The following SBF2 variants were observed in gnomAD, a reference collection of about 807,000 sequenced individuals.
SBF2 encodes myotubularin-related protein 13.
SBF2 carries 112 observed loss-of-function variants against 225.2 expected under a neutral mutation model. The observed-to-expected ratio is 0.50, with a 90% CI of 0.43 to 0.58. The LOEUF is 0.58. SBF2 is among the 20% of genes least tolerant of loss of function. The probability of loss-of-function intolerance (pLI) is 0.00; values close to 1 mark genes in which losing one functional copy is unlikely to be tolerated. For missense variants in SBF2, 1,996 were observed against 2,206.2 expected, an observed-to-expected ratio of 0.90 and a Z score of 1.91; for synonymous variants, 763 against 773.3, an observed-to-expected ratio of 0.99 and a Z score of 0.22.
At chr11:9,949,711 C>T (rs553243000) in intron 16 of SBF2, among the ~76,000 whole-genome samples, 48 of 151,792 alleles carry the variant, frequency 3.2e-4, no homozygotes, top group African/African-American at 1.1e-3. Flanking sequence ...GAAAAAGGGG[C>T]TTTTTTTTCC....
chr11:10,060,692 T>G (rs561883617), intron 2 of SBF2, among the ~76,000 whole-genome samples: 1 of 152,074 alleles, frequency 6.6e-6, no homozygotes, highest in Non-Finnish European at 1.5e-5. Flanking sequence ...CATGACCAAG[T>G]AGGCTTCATC....
chr11:9,880,581 G>T (rs1859678822), intron 17 of SBF2, among the ~76,000 whole-genome samples: 1 of 152,074 alleles, frequency 6.6e-6, no homozygotes, highest in African/African-American at 2.4e-5. Context: ...TATTATACTA[G>T]CCTACTAAGT....
intron 1 of SBF2, among the ~76,000 whole-genome samples, chr11:10,250,640 G>T (rs1960249723): frequency 6.6e-6 from 1 of 152,118 alleles, no homozygotes; most frequent in Non-Finnish European, 1.5e-5. Flanking sequence ...CATGTTTTAT[G>T]TTATAATAGT....
intron 2 of SBF2, among the ~76,000 whole-genome samples, chr11:10,117,611 C>T (rs1210529835): frequency 6.6e-6 from 1 of 152,012 alleles, no homozygotes; most frequent in Middle Eastern, 3.2e-3. Context: ...AGTTTATGAA[C>T]TTTCAAGTGT....
intron 6 of SBF2, among the ~76,000 whole-genome samples, chr11:10,023,203 T>C (rs1006979514): frequency 2.0e-5 from 3 of 152,172 alleles, no homozygotes; most frequent in African/African-American, 4.8e-5. Context: ...CTGAGGTAGG[T>C]GACAATCCCT....
chr11:10,230,713 A>T (rs1364878225), intron 1 of SBF2, among the ~76,000 whole-genome samples: 1 of 152,126 alleles, frequency 6.6e-6, no homozygotes, highest in African/African-American at 2.4e-5. Context: ...TTTGTGGGTA[A>T]CCCGACCTTT....
chr11:9,920,872 T>C (rs1310801057), intron 16 of SBF2, among the ~76,000 whole-genome samples: 1 of 152,086 alleles, frequency 6.6e-6, no homozygotes, highest in Non-Finnish European at 1.5e-5. Flanking sequence ...GCCCTGGTGT[T>C]CTGTCAGGGT....
intron 1 of SBF2, among the ~76,000 whole-genome samples, chr11:10,199,139 A>G (rs949906881): frequency 1.9e-4 from 29 of 152,226 alleles, no homozygotes; most frequent in African/African-American, 5.1e-4. Context: ...CTTTCACTTG[A>G]CCACTTAAAG....
intron 7 of SBF2, among the ~76,000 whole-genome samples, chr11:10,001,318 T>C (rs941735131): frequency 6.6e-6 from 1 of 152,120 alleles, no homozygotes; most frequent in Non-Finnish European, 1.5e-5. Flanking sequence ...CATTTTTCCT[T>C]ACATAGAAAC....
chr11:9,901,493 C>T (rs912015859), intron 16 of SBF2, among the ~76,000 whole-genome samples: 13 of 152,160 alleles, frequency 8.5e-5, no homozygotes, highest in Admixed American at 1.3e-4. Flanking sequence ...CGCCCCATTA[C>T]GCCCTCTCCC....
intron 1 of SBF2, among the ~76,000 whole-genome samples, chr11:10,194,655 C>T (rs1167168198): frequency 3.3e-5 from 5 of 152,100 alleles, no homozygotes; most frequent in African/African-American, 1.2e-4. Context: ...GGATTACAGG[C>T]ACCCACCACC....
intron 1 of SBF2, among the ~76,000 whole-genome samples, chr11:10,255,925 C>A (rs910450569): frequency 6.6e-6 from 1 of 152,182 alleles, no homozygotes; most frequent in Non-Finnish European, 1.5e-5. Context: ...TGGTCAACAG[C>A]GCCACAAGCA....
chr11:9,800,429 T>C (rs973023742), intron 32 of SBF2, among the ~76,000 whole-genome samples: 30 of 151,920 alleles, frequency 2.0e-4, no homozygotes, highest in South Asian at 8.3e-4. Context: ...TTTTTTGAGA[T>C]GGAGTCTCGC....
intron 32 of SBF2, among the ~76,000 whole-genome samples, chr11:9,799,583 T>C (rs1171848296): frequency 1.3e-5 from 2 of 152,214 alleles, no homozygotes; most frequent in East Asian, 3.8e-4. Flanking sequence ...AAAAGTCAGA[T>C]AGACCTCAAG....
chr11:9,923,853 T>A (rs935583868), intron 16 of SBF2, among the ~76,000 whole-genome samples: 1 of 151,850 alleles, frequency 6.6e-6, no homozygotes, highest in African/African-American at 2.4e-5. Flanking sequence ...CTAAGAGGAT[T>A]TCACTGAAGT....
chr11:10,180,315 C>T (rs893802987), intron 2 of SBF2, among the ~76,000 whole-genome samples: 4 of 152,044 alleles, frequency 2.6e-5, no homozygotes, highest in South Asian at 4.1e-4. Flanking sequence ...ATTTCTCCCA[C>T]GTGTTTGAAG....
chr11:10,174,041 A>C (rs199707515), intron 2 of SBF2, among the ~76,000 whole-genome samples: 1 of 149,560 alleles, frequency 6.7e-6, no homozygotes, highest in Non-Finnish European at 1.5e-5. Context: ...CAAAAGTAGA[A>C]AAAACCACAA....
At chr11:9,787,530 G>T in intron 36 of SBF2, 104 bp downstream of exon 36, 4 of 920,028 alleles carry the variant, frequency 4.3e-6, no homozygotes, top group Non-Finnish European at 7.1e-6. Flanking sequence ...CTTCCTTCTG[G>T]CCATAAACCC....
At chr11:10,070,242 C>T (rs1053838816) in intron 2 of SBF2, among the ~76,000 whole-genome samples, 2 of 152,120 alleles carry the variant, frequency 1.3e-5, no homozygotes, top group African/African-American at 4.8e-5. Context: ...ATGCCTATGT[C>T]GTAAATGGTA....
Sources: gnomAD v4.1 joint callset for allele counts (sites outside exome capture counted in the v4.1 genomes callset) on GRCh38, gnomAD v4.1.1 for gene constraint, MANE v1.5 for transcripts, NCBI Gene and HGNC (gene_info 2026-07-23, HGNC 2026-07-21) for gene names.